The following TMEM132D variants were observed in gnomAD, a reference collection of about 807,000 sequenced individuals.
The protein encoded by TMEM132D is transmembrane protein 132D, also known as mature OL transmembrane protein.
TMEM132D carries 21 observed loss-of-function variants against 62.3 expected under a neutral mutation model. That is an observed-to-expected ratio of 0.34 (90% CI 0.24 to 0.49). The LOEUF is 0.49. Among genes scored for constraint, TMEM132D ranks in the 20% least tolerant of loss-of-function variants. The probability of loss-of-function intolerance (pLI) is 0.99; values close to 1 mark genes in which losing one functional copy is unlikely to be tolerated. For synonymous variants in TMEM132D, 621 were observed against 575.6 expected (o/e 1.08, Z -1.13); for missense variants, 1,346 against 1,402.8 (o/e 0.96, Z 0.65).
intron 4 of TMEM132D, among the ~76,000 whole-genome samples, chr12:129,289,566 A>AAAAAAAAAAAAAAAAAAAAAG (rs1566023043): frequency 8.3e-5 from 12 of 144,776 alleles, no homozygotes; most frequent in East Asian, 4.3e-4. Context: ...AAAAAAAAAG[A>AAAAAAAAAAAAAAAAAAAAAG]AAAAAAAGAA....
chr12:129,095,117 G>T (rs564639276), intron 5 of TMEM132D, among the ~76,000 whole-genome samples: 10 of 151,824 alleles, frequency 6.6e-5, no homozygotes, highest in Non-Finnish European at 1.5e-4. Flanking sequence ...CACCAACATG[G>T]CGCATGTATA....
At chr12:129,690,958 A>T (rs1043827963) in intron 2 of TMEM132D, among the ~76,000 whole-genome samples, 5 of 152,156 alleles carry the variant, frequency 3.3e-5, no homozygotes, top group African/African-American at 1.2e-4. Context: ...GTAGCCTTAT[A>T]TTTAAAATAG....
At chr12:129,839,368 C>T (rs779864851) in intron 1 of TMEM132D, among the ~76,000 whole-genome samples, 3 of 151,360 alleles carry the variant, frequency 2.0e-5, no homozygotes, top group East Asian at 1.9e-4. Flanking sequence ...CCTTGTGATC[C>T]GCCTGCCTCG....
At chr12:129,899,351 G>T (rs1305606808) in intron 1 of TMEM132D, among the ~76,000 whole-genome samples, 1 of 133,096 alleles carries the variant, frequency 7.5e-6, no homozygotes, top group Admixed American at 7.2e-5. Context: ...ATGATGGATG[G>T]AGGGATGGAT....
At chr12:129,190,620 G>C (rs923690792) in intron 5 of TMEM132D, among the ~76,000 whole-genome samples, 1 of 151,566 alleles carries the variant, frequency 6.6e-6, no homozygotes, top group Non-Finnish European at 1.5e-5. Flanking sequence ...AGGGGTCTAG[G>C]GCCTGCACAT....
At chr12:129,202,654 G>T (rs1413972767) in intron 5 of TMEM132D, among the ~76,000 whole-genome samples, 1 of 152,134 alleles carries the variant, frequency 6.6e-6, no homozygotes, top group African/African-American at 2.4e-5. Flanking sequence ...TCCAGAATTT[G>T]CCATGTTCTG....
intron 5 of TMEM132D, among the ~76,000 whole-genome samples, chr12:129,175,146 G>A (rs762225813): frequency 5.3e-5 from 8 of 152,266 alleles, no homozygotes; most frequent in Middle Eastern, 3.4e-3. Flanking sequence ...TGAAGTCTTT[G>A]TCCATGCCTA....
At chr12:129,459,085 CT>C (rs1873573823) in intron 3 of TMEM132D, among the ~76,000 whole-genome samples, 1 of 152,166 alleles carries the variant, frequency 6.6e-6, no homozygotes, top group Admixed American at 6.5e-5. Context: ...ACCAGGAACA[CT>C]TCTTCCCTCC....
At chr12:129,713,251 A>G (rs1224547287) in intron 1 of TMEM132D, among the ~76,000 whole-genome samples, 1 of 152,182 alleles carries the variant, frequency 6.6e-6, no homozygotes, top group African/African-American at 2.4e-5. Flanking sequence ...ATATGTGCTC[A>G]AGTGTGAGAA....
chr12:129,755,110 T>G (rs1419496900), intron 1 of TMEM132D, among the ~76,000 whole-genome samples: 2 of 152,238 alleles, frequency 1.3e-5, no homozygotes, highest in Non-Finnish European at 2.9e-5. Flanking sequence ...ACTTTGCTAT[T>G]TGCCACTGGA....
intron 3 of TMEM132D, among the ~76,000 whole-genome samples, chr12:129,527,535 CT>C (rs1431023973): frequency 6.6e-6 from 1 of 152,158 alleles, no homozygotes; most frequent in Non-Finnish European, 1.5e-5. Context: ...TGCTGGAGAA[CT>C]TAAATAAATG....
intron 2 of TMEM132D, among the ~76,000 whole-genome samples, chr12:129,688,218 A>T (rs1880977945): frequency 6.6e-6 from 1 of 152,216 alleles, no homozygotes; most frequent in South Asian, 2.1e-4. Flanking sequence ...TACATGAATC[A>T]ATCATACAGG....
At chr12:129,404,826 C>T (rs1030360362) in intron 3 of TMEM132D, among the ~76,000 whole-genome samples, 8 of 152,170 alleles carry the variant, frequency 5.3e-5, no homozygotes, top group African/African-American at 1.9e-4. Flanking sequence ...CACCAGGCCC[C>T]ACCCCCAACA....
At chr12:129,299,441 C>A in intron 4 of TMEM132D, among the ~76,000 whole-genome samples, 1 of 138,164 alleles carries the variant, frequency 7.2e-6, no homozygotes. Flanking sequence ...TTTTTTTTGC[C>A]AATTGCAAGA....
intron 5 of TMEM132D, among the ~76,000 whole-genome samples, chr12:129,132,551 T>C (rs535789426): frequency 3.3e-5 from 5 of 152,122 alleles, no homozygotes; most frequent in Non-Finnish European, 7.4e-5. Context: ...CTCCAGAAGG[T>C]ATTTGTTTTA....
At chr12:129,088,237 A>G (rs1874726777) in intron 5 of TMEM132D, among the ~76,000 whole-genome samples, 1 of 32,424 alleles carries the variant, frequency 3.1e-5, no homozygotes, top group African/African-American at 1.9e-4. Flanking sequence ...GTCCTCCATG[A>G]CCGGGGTGTC....
chr12:129,313,890 T>C (rs1868395773), intron 4 of TMEM132D, among the ~76,000 whole-genome samples: 1 of 152,188 alleles, frequency 6.6e-6, no homozygotes, highest in African/African-American at 2.4e-5. Context: ...ATGACTCTTT[T>C]ATTATTGTCA....
At chr12:129,514,473 AT>A (rs1388544565) in intron 3 of TMEM132D, among the ~76,000 whole-genome samples, 1 of 152,186 alleles carries the variant, frequency 6.6e-6, no homozygotes, top group Non-Finnish European at 1.5e-5. Flanking sequence ...GAAGGGCTAG[AT>A]TTTTATGTTG....
chr12:129,123,366 G>A (rs565260376), intron 5 of TMEM132D, among the ~76,000 whole-genome samples: 16 of 151,664 alleles, frequency 1.1e-4, no homozygotes, highest in Middle Eastern at 3.4e-3. Context: ...CGGTAATTCC[G>A]TGTACATAAT....
Sources: allele counts gnomAD v4.1 joint callset (sites outside exome capture counted in the v4.1 genomes callset), GRCh38; gene constraint gnomAD v4.1.1; transcripts MANE v1.5; gene names NCBI Gene and HGNC (gene_info 2026-07-23, HGNC 2026-07-21).